Variants in GALNT14 observed in about 807,000 individuals in gnomAD.
GALNT14 encodes the protein UDP-GalNAc:polypeptide N-acetylgalactosaminyltransferase 14.
GALNT14 carries 60 observed loss-of-function variants against 77.5 expected under a neutral mutation model. The ratio of observed to expected loss-of-function variants is 0.77; its 90% CI spans 0.63 to 0.96. The LOEUF is 0.96. Among genes scored for constraint, GALNT14 ranks in the 40% least tolerant of loss-of-function variants. The pLI is 0.00. For missense variants in GALNT14, 710 were observed against 731.0 expected, an observed-to-expected ratio of 0.97 and a Z score of 0.33; for synonymous variants, 280 against 281.7, an observed-to-expected ratio of 0.99 and a Z score of 0.06.
intron 1 of GALNT14, among the ~76,000 whole-genome samples, chr2:31,011,502 C>T (rs1277028997): frequency 1.3e-5 from 2 of 152,042 alleles, no homozygotes; most frequent in African/African-American, 4.8e-5. Context: ...AGACAGGGCC[C>T]TATTTTTCAG....
At chr2:30,968,969 T>C (rs1436827468) in intron 2 of GALNT14, among the ~76,000 whole-genome samples, 1 of 152,050 alleles carries the variant, frequency 6.6e-6, no homozygotes, top group Non-Finnish European at 1.5e-5. Flanking sequence ...GAGGGAGACC[T>C]GGAGGGAGTG....
the GALNT14 span, among the ~76,000 whole-genome samples, chr2:30,895,682 C>T: frequency 2.0e-5 from 3 of 152,136 alleles, no homozygotes; most frequent in African/African-American, 7.2e-5. Context: ...CCCTCCAATT[C>T]TCTGCAAAGC....
intron 1 of GALNT14, among the ~76,000 whole-genome samples, chr2:31,093,264 C>A (rs1446047502): frequency 1.3e-5 from 2 of 152,206 alleles, no homozygotes; most frequent in African/African-American, 4.8e-5. Context: ...GGGCTCCCAA[C>A]AGCCTTGCAG....
chr2:31,061,896 C>T (rs2148542776), intron 1 of GALNT14, among the ~76,000 whole-genome samples: 1 of 152,310 alleles, frequency 6.6e-6, no homozygotes, highest in East Asian at 1.9e-4. Context: ...CCATCCTCCC[C>T]CAGGTGCCTA....
intron 1 of GALNT14, among the ~76,000 whole-genome samples, chr2:31,029,826 T>C (rs1558507457): frequency 6.6e-6 from 1 of 152,204 alleles, no homozygotes; most frequent in Non-Finnish European, 1.5e-5. Context: ...CTACTATAAT[T>C]TTTTTGTATA....
Position 30,992,865 on chromosome 2 carries a change from C to T in GALNT14, c.272G>A (p.Arg91Gln), listed in dbSNP as rs762475303. Residue 91 changes from arginine to glutamine, a missense_variant, in exon 2 of 15, where the codon CGG becomes CAG. Arg to Gln is a conservative substitution (Grantham distance 43, BLOSUM62 1). Coordinates refer to ENST00000349752, the MANE Select transcript of GALNT14 (RefSeq NM_024572.4). The stretch of plus-strand genomic sequence containing the variant: ...CAGATGGCGAGTGTCCGGGATGGCC[C>T]GATTGCTGGAGATCCGCTCACTCTC... Reference protein sequence around the residue: ...QRESERISSNRAIPDTRHLRC... With the variant: ...QRESERISSNQAIPDTRHLRC... The T allele has an allele frequency of 8.1e-5, 131 of 1,613,906 alleles. No homozygotes were observed. Among genetic ancestry groups the T allele is most frequent in the Non-Finnish European group, 8.2e-5 (97 of 1,179,956 alleles).
Position 31,138,138 on chromosome 2 carries a change from C to A in GALNT14, c.-52G>T, listed in dbSNP as rs773489249. ...GGCGCTACGTCCCGGGGGCACCCCC[C>A]GGCGGTCAGGGTTGGCGGGGCAGGA... On this transcript the variant is annotated 5_prime_UTR_variant, in exon 1 of 15. Coordinates refer to ENST00000349752, the MANE Select transcript of GALNT14 (RefSeq NM_024572.4). The A allele has an allele frequency of 5.6e-6, 9 of 1,611,930 alleles. No individual in the cohort carries two copies. The highest frequency in any genetic ancestry group is 5.3e-5 in the African/African-American group (4 of 74,896).
the GALNT14 span, among the ~76,000 whole-genome samples, chr2:30,898,459 A>G: frequency 6.6e-6 from 1 of 152,144 alleles, no homozygotes; most frequent in Admixed American, 6.5e-5. Context: ...TGTACTGAGA[A>G]CCTCATGAAT....
rs553345961 is a variant in GALNT14 at position 30,917,827 on chromosome 2, T to G, written c.1381-5485A>C. Among the ~76,000 whole-genome samples the G allele has an allele frequency of 6.6e-5, 10 of 152,338 alleles. No individual in the cohort carries two copies. The East Asian group carries it at 1.9e-3, about 29-fold the overall frequency. The stretch of plus-strand genomic sequence containing the variant: ...GGTGAGGTGAGACCTGAGCCAAGTA[T>G]CCAGGGCCTTGAACATCTTAGTCCA... On this transcript the variant is annotated intron_variant, in intron 13 of 14. Coordinates refer to ENST00000349752, the MANE Select transcript of GALNT14 (RefSeq NM_024572.4).
At chr2:31,114,142 T>C (rs930638524) in intron 1 of GALNT14, among the ~76,000 whole-genome samples, 1 of 152,146 alleles carries the variant, frequency 6.6e-6, no homozygotes, top group Non-Finnish European at 1.5e-5. Flanking sequence ...CAGGTTTGTT[T>C]TCTCTAAAAT....
chr2:30,923,079 T>G (rs12473503), intron 13 of GALNT14, among the ~76,000 whole-genome samples: 2 of 115,340 alleles, frequency 1.7e-5, no homozygotes, highest in Admixed American at 1.7e-4. Context: ...TTTTTTTTTT[T>G]GAAATGGAGT....
At chr2:30,943,367 C>T (rs1393053888) in intron 8 of GALNT14, among the ~76,000 whole-genome samples, 4 of 152,154 alleles carry the variant, frequency 2.6e-5, no homozygotes, top group African/African-American at 9.7e-5. Flanking sequence ...AGACCTGGCC[C>T]CCGTTCAGTG....
intron 1 of GALNT14, among the ~76,000 whole-genome samples, chr2:30,995,389 C>A (rs979769214): frequency 2.0e-5 from 3 of 152,096 alleles, no homozygotes; most frequent in Non-Finnish European, 2.9e-5. Flanking sequence ...GTATTATAGC[C>A]TAGGAGCAAC....
chr2:30,920,104 G>A (rs1200265291), intron 13 of GALNT14, among the ~76,000 whole-genome samples: 3 of 152,122 alleles, frequency 2.0e-5, no homozygotes, highest in Non-Finnish European at 4.4e-5. Flanking sequence ...CTTCTCACCT[G>A]ATTACACTTG....
intron 9 of GALNT14, among the ~76,000 whole-genome samples, chr2:30,936,181 C>G (rs113011986): frequency 0.018 from 2,780 of 152,140 alleles, 46 homozygotes; most frequent in Middle Eastern, 0.037. Flanking sequence ...GCCCTCCATT[C>G]CCCCCACTTT....
At chr2:31,010,834 T>C (rs917840324) in intron 1 of GALNT14, among the ~76,000 whole-genome samples, 1 of 152,208 alleles carries the variant, frequency 6.6e-6, no homozygotes, top group Admixed American at 6.5e-5. Flanking sequence ...TCATCCCATC[T>C]CATAGGGCTT....
chr2:30,926,215 C>T (rs1438634311), intron 11 of GALNT14, among the ~76,000 whole-genome samples: 3 of 152,168 alleles, frequency 2.0e-5, no homozygotes, highest in Non-Finnish European at 4.4e-5. Context: ...GTGCTCAGTG[C>T]ATGATGGTGC....
intron 13 of GALNT14, among the ~76,000 whole-genome samples, chr2:30,918,624 C>T (rs1418915456): frequency 1.3e-5 from 2 of 149,606 alleles, no homozygotes; most frequent in Non-Finnish European, 1.5e-5. Flanking sequence ...AGGGTGGCAT[C>T]GGGCAGGGAG....
chr2:30,953,939 G>C (rs921670271), intron 6 of GALNT14, among the ~76,000 whole-genome samples: 3 of 152,056 alleles, frequency 2.0e-5, no homozygotes, highest in Admixed American at 1.3e-4. Flanking sequence ...TGACAGGCAG[G>C]GTGGCCACAA....
Sources: allele counts gnomAD v4.1 joint callset (sites outside exome capture counted in the v4.1 genomes callset), GRCh38; gene constraint gnomAD v4.1.1; transcripts MANE v1.5; gene names NCBI Gene and HGNC (gene_info 2026-07-23, HGNC 2026-07-21).